The following FAT4 variants were observed in gnomAD, a reference collection of about 807,000 sequenced individuals.
FAT4 encodes protocadherin Fat 4.
In FAT4, 84 loss-of-function variants were observed where a neutral mutation model predicts 303.9. That is an observed-to-expected ratio of 0.28 (90% CI 0.23 to 0.33). The LOEUF is 0.33. Among genes scored for constraint, FAT4 ranks in the 10% least tolerant of loss-of-function variants. The probability of loss-of-function intolerance (pLI) is 1.00; values close to 1 mark genes in which losing one functional copy is unlikely to be tolerated. For missense variants in FAT4, 6,005 were observed against 6,146.8 expected (o/e 0.98, Z 0.77); for synonymous variants, 2,307 against 2,298.8 (o/e 1.00, Z -0.10).
chr4:125,404,536 T>C (rs919145883), intron 3 of FAT4, among the ~76,000 whole-genome samples: 2 of 152,190 alleles, frequency 1.3e-5, no homozygotes, highest in Non-Finnish European at 2.9e-5. Context: ...TGTAAAATAT[T>C]GTATTCATTT....
At chr4:125,400,119 C>T (rs1470315745) in intron 3 of FAT4, among the ~76,000 whole-genome samples, 3 of 151,764 alleles carry the variant, frequency 2.0e-5, no homozygotes, top group African/African-American at 4.8e-5. Flanking sequence ...ATTGTAATGA[C>T]TATTTCATTG....
At chr4:125,323,656 G>C (rs1354058008) in intron 2 of FAT4, among the ~76,000 whole-genome samples, 1 of 152,178 alleles carries the variant, frequency 6.6e-6, no homozygotes, top group Non-Finnish European at 1.5e-5. Context: ...GTGGTTGTGA[G>C]CTAGAATTTC....
chr4:125,431,236 C>T (rs998496091), intron 7 of FAT4, among the ~76,000 whole-genome samples: 6 of 152,166 alleles, frequency 3.9e-5, no homozygotes, highest in Non-Finnish European at 7.3e-5. Flanking sequence ...TGAATTACAG[C>T]ACAATGTGTA....
intron 17 of FAT4, 36 bp from the exon 18 acceptor site, chr4:125,489,865 T>TTTTTTG (rs1409771730): frequency 8.6e-7 from 1 of 1,160,412 alleles, no homozygotes; most frequent in Non-Finnish European, 1.1e-6. Flanking sequence ...TTTTTTTTTT[T>TTTTTTG]TTTGTAAAAA....
chr4:125,462,678 A>C (rs1202141908), intron 10 of FAT4, among the ~76,000 whole-genome samples: 1 of 152,036 alleles, frequency 6.6e-6, no homozygotes, highest in Non-Finnish European at 1.5e-5. Context: ...ATGGGAGCAG[A>C]AGCCCTAAAT....
chr4:125,317,172 A>C lies in FAT4; in HGVS notation c.761A>C (p.His254Pro), dbSNP rs201036193. The change falls in exon 2 of 18, where the codon CAC becomes CCC. Residue 254 changes from histidine to proline, a missense_variant. By Grantham distance (77) the His-to-Pro change is moderately conservative. Transcript: ENST00000394329. This position sits in a 1 kb window ranked among gnomAD's most constrained non-coding sequence, Gnocchi z 7.0. ...AACCCCCCGGTTTTTGGCAGTTCTC[A>C]CTACCAGGCGGGGGTGCCTGAGGAC... ...NDNPPVFGSS[H>P]YQAGVPEDAV... The C allele has an allele frequency of 3.7e-6, 6 of 1,602,850 alleles. No homozygotes were observed. In the African/African-American group the frequency reaches 6.7e-5, roughly 18 times the overall value.
chr4:125,317,692 C>A lies in FAT4; in HGVS notation c.1281C>A (p.Asp427Glu). Residue 427 changes from aspartate to glutamate, a missense_variant, in exon 2 of 18, where the codon GAC (aspartate) becomes GAA (glutamate). Asp to Glu is a conservative substitution (Grantham distance 45, BLOSUM62 2). Transcript: ENST00000394329. This position sits in a 1 kb window ranked among gnomAD's most constrained non-coding sequence, Gnocchi z 7.0. ...TAATCAAGGTGGCCAGCGCCTTGGACCGCGAGCGCATCCCTTCCTACAACC... is the reference window on the plus strand; with the variant it reads ...TAATCAAGGTGGCCAGCGCCTTGGAACGCGAGCGCATCCCTTCCTACAACC... ...LSLIKVASAL[D>E]RERIPSYNLT... is the part of the protein sequence containing the mutation. 6.2e-7 allele frequency: 1 copy of A among 1,614,066 alleles called. No homozygotes were observed. Among genetic ancestry groups the A allele is most frequent in the Non-Finnish European group, 8.5e-7 (1 of 1,180,000 alleles).
chr4:125,353,530 G>A (rs1251401842), intron 2 of FAT4, among the ~76,000 whole-genome samples: 1 of 151,502 alleles, frequency 6.6e-6, no homozygotes, highest in Non-Finnish European at 1.5e-5. Context: ...CAATCTTTTA[G>A]TTGGCTTAGA....
Position 125,440,610 on chromosome 4 carries a change from T to TGA in FAT4, c.7200-5650_7200-5649dup, listed in dbSNP as rs1553925990. On this transcript the variant is annotated intron_variant, in intron 8 of 17. Coordinates refer to ENST00000394329, the MANE Select transcript of FAT4 (RefSeq NM_001291303.3). Reference sequence around the variant, plus strand: ...GTGTGTGTGTGTGTGTGTGTGTGTGTGAGAGAGAGAGAGAGAGAGAGAGAG... The same window carrying TGA: ...GTGTGTGTGTGTGTGTGTGTGTGTGTGAGAGAGAGAGAGAGAGAGAGAGAGAG... Among the ~76,000 whole-genome samples the TGA allele has an allele frequency of 3.7e-3, 280 of 75,752 alleles. 5 individuals carry two copies. In the East Asian group the frequency reaches 0.048, roughly 13 times the overall value. The allele number at this position is 75,752 out of a possible 152,430, so 49.7% of individuals were successfully genotyped here.
At position 125,490,211 on chromosome 4, in the gene FAT4, G is replaced by C; in HGVS notation, c.13395G>C (p.Glu4465Asp). ...ACTCGCACACGGGAAGGACCTGTGA[G>C]ATGGTGGTGGCCTGTCTTGGCGTCC... is the stretch of plus-strand genomic sequence containing the variant. ...CPDSHTGRTCEMVVACLGVLC... is the reference protein window; with the variant it reads ...CPDSHTGRTCDMVVACLGVLC... The change falls in exon 18 of 18, where the codon GAG (glutamate) becomes GAC (aspartate). Residue 4465 changes from glutamate (E) to aspartate (D), a missense_variant. Transcript: ENST00000394329. The C allele has an allele frequency of 2.5e-6, 4 of 1,614,176 alleles. No homozygotes were observed. The highest frequency in any genetic ancestry group is 3.4e-6 in the Non-Finnish European group (4 of 1,180,038).
At chr4:125,438,063 G>T (rs1267010529) in intron 8 of FAT4, among the ~76,000 whole-genome samples, 1 of 152,168 alleles carries the variant, frequency 6.6e-6, no homozygotes, top group East Asian at 1.9e-4. Context: ...TGGAAGAGAT[G>T]CCCTATCTAT....
chr4:125,468,505 C>T lies in FAT4; in HGVS notation c.11906-7C>T, dbSNP rs1282915279. On this transcript the variant is annotated splice_region_variant and splice_polypyrimidine_tract_variant and intron_variant, in intron 11 of 17. Coordinates refer to ENST00000394329, the MANE Select transcript of FAT4 (RefSeq NM_001291303.3). Reference sequence around the variant, plus strand: ...TTATGCCAGTTTGTCAATTTTCCCTCCAACAGGTGTCTTTGGAAAACACTG... The same window carrying T: ...TTATGCCAGTTTGTCAATTTTCCCTTCAACAGGTGTCTTTGGAAAACACTG... The T allele has an allele frequency of 4.9e-6, 7 of 1,433,826 alleles. No individual in the cohort carries two copies. Among genetic ancestry groups the T allele is most frequent in the Non-Finnish European group, 6.5e-6 (7 of 1,082,880 alleles). 88.8% of individuals were successfully genotyped at this position (1,433,826 alleles called of 1,614,324 possible). A position where few individuals can be genotyped will look rare whatever the true frequency, so the allele number is the denominator to read the frequency against.
At position 125,451,754 on chromosome 4, in the gene FAT4, T is replaced by C; in HGVS notation, c.10744T>C (p.Phe3582Leu). Residue 3582 changes from phenylalanine to leucine, a missense_variant, in exon 10 of 18, where the codon TTC becomes CTC. Coordinates refer to ENST00000394329, the MANE Select transcript of FAT4 (RefSeq NM_001291303.3). ...REIDREQIADFYLSVVTKDSG... is the reference protein window; with the variant it reads ...REIDREQIADLYLSVVTKDSG... The stretch of plus-strand genomic sequence containing the variant: ...GATTGACAGAGAGCAGATTGCAGAC[T>C]TCTATCTGTCTGTGGTTACCAAGGA... 1 of 1,614,212 alleles carries C rather than the reference T, an allele frequency of 6.2e-7. No individual in the cohort carries two copies. The highest frequency in any genetic ancestry group is 8.5e-7 in the Non-Finnish European group (1 of 1,180,028).
At chr4:125,379,651 G>T (rs530930412) in intron 2 of FAT4, among the ~76,000 whole-genome samples, 1 of 151,896 alleles carries the variant, frequency 6.6e-6, no homozygotes, top group Admixed American at 6.6e-5. Context: ...GTGGAGACAT[G>T]GTTTCACCAT....
At chr4:125,404,948 T>C (rs1007444865) in intron 3 of FAT4, among the ~76,000 whole-genome samples, 1 of 152,148 alleles carries the variant, frequency 6.6e-6, no homozygotes, top group Non-Finnish European at 1.5e-5. Context: ...ATATACAGGT[T>C]GAGTATTTCT....
intron 2 of FAT4, chr4:125,393,823 T>C (rs1229666701): frequency 3.4e-6 from 2 of 593,214 alleles, no homozygotes; most frequent in Non-Finnish European, 6.2e-6. Context: ...TATTAGCTCC[T>C]TTAATCTCAG....
chr4:125,398,256 AAG>A (rs1734255750), intron 2 of FAT4, among the ~76,000 whole-genome samples: 1 of 152,156 alleles, frequency 6.6e-6, no homozygotes, highest in African/African-American at 2.4e-5. Flanking sequence ...TGGAAATAGA[AAG>A]AAAAGATGTA....
intron 7 of FAT4, among the ~76,000 whole-genome samples, chr4:125,423,785 C>T (rs992652229): frequency 1.1e-4 from 16 of 152,168 alleles, no homozygotes; most frequent in Admixed American, 7.2e-4. Flanking sequence ...TGCCCAAGAC[C>T]ATGGGAGCCC....
chr4:125,477,382 A>T, intron 14 of FAT4, 48 bp downstream of exon 14: 2 of 1,473,720 alleles, frequency 1.4e-6, no homozygotes, highest in Non-Finnish European at 1.8e-6. Context: ...AAATGCAAAA[A>T]AGTATGCTTC....
Sources: allele counts gnomAD v4.1 joint callset (sites outside exome capture counted in the v4.1 genomes callset), GRCh38; gene constraint gnomAD v4.1.1; non-coding constraint Gnocchi (gnomAD v3.1); transcripts MANE v1.5; gene names NCBI Gene and HGNC (gene_info 2026-07-23, HGNC 2026-07-21).